INPP5B: variants seen among roughly 807,000 people sequenced by gnomAD.
INPP5B encodes inositol polyphosphate-5-phosphatase B, also known as type II inositol 1,4,5-trisphosphate 5-phosphatase.
In INPP5B, 90 loss-of-function variants were observed where a neutral mutation model predicts 118.5. That is an observed-to-expected ratio of 0.76 (90% confidence interval 0.64 to 0.90). INPP5B has a LOEUF of 0.90. Ranked by LOEUF, INPP5B falls within the 40% of genes least tolerant of loss-of-function variation. INPP5B has a pLI of 0.00. For synonymous variants in INPP5B, 385 were observed against 418.9 expected, an observed-to-expected ratio of 0.92 and a Z score of 0.99; for missense variants, 984 against 1,125.6, an observed-to-expected ratio of 0.87 and a Z score of 1.80.
intron 7 of INPP5B, among the ~76,000 whole-genome samples, chr1:37,918,968 C>T (rs1297119207): frequency 1.3e-5 from 2 of 152,094 alleles, no homozygotes; most frequent in East Asian, 3.9e-4. Flanking sequence ...CCTTGTTTTA[C>T]AAATAAGGAA....
chr1:37,863,436 A>AC (rs1278775857), intron 23 of INPP5B, among the ~76,000 whole-genome samples: 2 of 151,784 alleles, frequency 1.3e-5, no homozygotes, highest in Non-Finnish European at 2.9e-5. Flanking sequence ...AATTGCTTGA[A>AC]CCCGGGTGGC....
intron 7 of INPP5B, among the ~76,000 whole-genome samples, chr1:37,921,914 C>T (rs1241405523): frequency 6.6e-6 from 1 of 152,150 alleles, no homozygotes; most frequent in East Asian, 1.9e-4. Flanking sequence ...CGCCTGTAAT[C>T]CCAGCTACTC....
At chr1:37,896,763 CGGAG>C (rs1644108003) in intron 7 of INPP5B, among the ~76,000 whole-genome samples, 1 of 90,880 alleles carries the variant, frequency 1.1e-5, no homozygotes, top group African/African-American at 4.3e-5. Flanking sequence ...CGCCCCGTCC[CGGAG>C]GGAGGGAGGT....
chr1:37,941,837 C>G (rs1645926686), intron 5 of INPP5B, among the ~76,000 whole-genome samples: 1 of 133,112 alleles, frequency 7.5e-6, no homozygotes, highest in Non-Finnish European at 1.6e-5. Flanking sequence ...ACTCGGGAGG[C>G]TGAGGCAGGA....
intron 7 of INPP5B, among the ~76,000 whole-genome samples, chr1:37,896,861 A>G (rs1644117645): frequency 7.9e-6 from 1 of 126,106 alleles, no homozygotes; most frequent in South Asian, 2.7e-4. Context: ...CGGGGAAGTG[A>G]GGAGCCCCTC....
At chr1:37,891,669 G>A (rs1643855197) in intron 7 of INPP5B, among the ~76,000 whole-genome samples, 1 of 151,778 alleles carries the variant, frequency 6.6e-6, no homozygotes, top group South Asian at 2.1e-4. Context: ...AATTACTCGG[G>A]AGGCTGAGGC....
At chr1:37,923,498 C>T (rs1418794302) in intron 7 of INPP5B, among the ~76,000 whole-genome samples, 5 of 151,976 alleles carry the variant, frequency 3.3e-5, no homozygotes, top group East Asian at 3.9e-4. Flanking sequence ...TAGTAGAATA[C>T]GATCAAAGTT....
rs1641729825 is a variant in INPP5B at position 37,862,046 on chromosome 1, AAAAT to A, written c.*265_*268del. ...GCAAAACTCCGTCTCAAAATAAAAA[AAAAT>A]AAAAAATAAAAAAATCTGTGTTAAA... On this transcript the variant is annotated 3_prime_UTR_variant, in exon 24 of 24. Transcript: ENST00000373024. The A allele has an allele frequency of 5.8e-6, 2 of 342,044 alleles. No individual in the cohort carries two copies. Among genetic ancestry groups the A allele is most frequent in the Non-Finnish European group, 1.1e-5 (2 of 188,500 alleles). 21.2% of individuals were successfully genotyped at this position (342,044 alleles called of 1,614,324 possible). A position where few individuals can be genotyped will look rare whatever the true frequency, so the allele number is the denominator to read the frequency against.
intron 7 of INPP5B, among the ~76,000 whole-genome samples, chr1:37,898,317 A>G (rs1480709220): frequency 6.6e-6 from 1 of 152,224 alleles, no homozygotes; most frequent in Non-Finnish European, 1.5e-5. Context: ...TTTTTAGGAC[A>G]GCAAAACTAT....
intron 7 of INPP5B, among the ~76,000 whole-genome samples, chr1:37,922,870 T>G (rs1346693522): frequency 2.6e-5 from 4 of 152,192 alleles, no homozygotes; most frequent in African/African-American, 7.2e-5. Context: ...GGAGGAAGAC[T>G]ACAGTGCAAT....
intron 16 of INPP5B, among the ~76,000 whole-genome samples, chr1:37,876,048 C>A (rs1288840191): frequency 6.6e-6 from 1 of 151,730 alleles, no homozygotes; most frequent in Non-Finnish European, 1.5e-5. Flanking sequence ...CTGCCACCAA[C>A]AGGCCAGCAG....
chr1:37,880,049 C>A (rs371250267), intron 15 of INPP5B, 36 bp downstream of exon 15: 2 of 1,413,988 alleles, frequency 1.4e-6, no homozygotes, highest in South Asian at 2.4e-5. Flanking sequence ...TCTGGGTTTC[C>A]GTTTGCTCAA....
chr1:37,946,076 C>A (rs932489780), intron 2 of INPP5B, among the ~76,000 whole-genome samples, 176 bp downstream of exon 2: 1 of 152,178 alleles, frequency 6.6e-6, no homozygotes, highest in Admixed American at 6.5e-5. Flanking sequence ...AGGATAACTG[C>A]GTATTTAAAG....
rs373306697 is a variant in INPP5B, at chr1:37,878,991, C to T, written c.1542-668G>A. Among the ~76,000 whole-genome samples, 9 of 149,994 alleles carry T rather than the reference C, an allele frequency of 6.0e-5. No homozygotes were observed. The East Asian group carries it at 6.1e-4, about 10-fold the overall frequency. On this transcript the variant is annotated intron_variant, in intron 15 of 23. Coordinates refer to ENST00000373024, the MANE Select transcript of INPP5B (RefSeq NM_005540.3). ...TCTTGGTTAAGGCCAGGCACGGTGG[C>T]TCACGCCTGTAATCCCAGCACTTTG...
chr1:37,923,568 G>A (rs1417017574), intron 7 of INPP5B, among the ~76,000 whole-genome samples: 2 of 152,028 alleles, frequency 1.3e-5, no homozygotes, highest in Non-Finnish European at 2.9e-5. Context: ...CTTACAAGAA[G>A]ACTACTGCAA....
intron 21 of INPP5B, 103 bp from the exon 22 acceptor site, chr1:37,865,991 C>G (rs1372691844): frequency 1.3e-6 from 2 of 1,539,420 alleles, no homozygotes; most frequent in Admixed American, 1.8e-5. Flanking sequence ...CTGTCAGGCT[C>G]TCTGCTCAGG....
intron 4 of INPP5B, 24 bp downstream of exon 4, chr1:37,943,772 A>G (rs1316818748): frequency 1.9e-6 from 3 of 1,612,350 alleles, no homozygotes; most frequent in Non-Finnish European, 2.5e-6. Flanking sequence ...GAGAGGATTC[A>G]TACCACCCAG....
intron 20 of INPP5B, among the ~76,000 whole-genome samples, chr1:37,868,224 A>G (rs1202248234): frequency 6.6e-6 from 1 of 151,568 alleles, no homozygotes; most frequent in Non-Finnish European, 1.5e-5. Context: ...GAGGCGGGAG[A>G]ATCACTTGAA....
chr1:37,868,914 G>A (rs1008685230), intron 19 of INPP5B, among the ~76,000 whole-genome samples: 6 of 152,210 alleles, frequency 3.9e-5, no homozygotes, highest in African/African-American at 1.4e-4. Context: ...GCGGTCTGGT[G>A]AGGAAACAGC....
Sources: allele counts gnomAD v4.1 joint callset (sites outside exome capture counted in the v4.1 genomes callset), GRCh38; gene constraint gnomAD v4.1.1; transcripts MANE v1.5; gene names NCBI Gene and HGNC (gene_info 2026-07-23, HGNC 2026-07-21).